The following LIN9 variants were observed in gnomAD, a reference collection of about 807,000 sequenced individuals.
LIN9 encodes protein lin-9 homolog.
Under a neutral mutation model 78.0 loss-of-function variants are expected in LIN9, and 18 were observed. That is an observed-to-expected ratio of 0.23 (90% CI 0.16 to 0.34). The LOEUF (loss-of-function observed/expected upper bound fraction) is 0.34. Among genes scored for constraint, LIN9 ranks in the 10% least tolerant of loss-of-function variants. The pLI is 1.00. For synonymous variants in LIN9, 192 were observed against 215.2 expected (o/e 0.89, Z 0.94); for missense variants, 451 against 644.1 (o/e 0.70, Z 3.25).
chr1:226,274,468 T>A (rs1243626151), intron 7 of LIN9, among the ~76,000 whole-genome samples: 1 of 152,196 alleles, frequency 6.6e-6, no homozygotes, highest in Admixed American at 6.5e-5. Flanking sequence ...TTTGTGTATA[T>A]GTGGGTATCC....
chr1:226,264,004 A>C (rs763957452), intron 10 of LIN9, among the ~76,000 whole-genome samples: 1 of 151,488 alleles, frequency 6.6e-6, no homozygotes, highest in Non-Finnish European at 1.5e-5. Context: ...CTGAGACTGG[A>C]GGTTAAGGCT....
intron 4 of LIN9, among the ~76,000 whole-genome samples, chr1:226,293,768 G>C (rs1661943789): frequency 6.6e-6 from 1 of 152,112 alleles, no homozygotes; most frequent in African/African-American, 2.4e-5. Flanking sequence ...ATGTTGGCCA[G>C]ACTCGTCTCA....
intron 2 of LIN9, among the ~76,000 whole-genome samples, chr1:226,299,117 C>G (rs969033957): frequency 6.6e-6 from 1 of 151,976 alleles, no homozygotes; most frequent in African/African-American, 2.4e-5. Flanking sequence ...GATGAATATA[C>G]AAGCTGGTTA....
intron 12 of LIN9, 45 bp from the exon 13 acceptor site, chr1:226,233,568 A>G (rs1162604968): frequency 1.4e-6 from 2 of 1,477,184 alleles, no homozygotes; most frequent in South Asian, 1.4e-5. Flanking sequence ...TCGAGAAGCC[A>G]TGATTATTTC....
At chr1:226,269,120 A>G (rs763814422) in intron 7 of LIN9, among the ~76,000 whole-genome samples, 6 of 152,260 alleles carry the variant, frequency 3.9e-5, no homozygotes, top group Non-Finnish European at 7.3e-5. Flanking sequence ...TAAACTGGGC[A>G]AAGTAATACA....
At chr1:226,263,862 A>T (rs1166617576) in intron 10 of LIN9, among the ~76,000 whole-genome samples, 1 of 152,162 alleles carries the variant, frequency 6.6e-6, no homozygotes. Context: ...ATTTGAGCCC[A>T]GGAGTTCAAG....
chr1:226,252,157 T>C (rs542608151), intron 10 of LIN9, among the ~76,000 whole-genome samples: 1 of 152,048 alleles, frequency 6.6e-6, no homozygotes, highest in East Asian at 1.9e-4. Context: ...GTGGCTTGCA[T>C]CTGTAGTCCC....
At chr1:226,253,168 C>T (rs575698742) in intron 10 of LIN9, among the ~76,000 whole-genome samples, 11 of 145,496 alleles carry the variant, frequency 7.6e-5, no homozygotes, top group East Asian at 2.1e-4. Flanking sequence ...GAGGCTGAGG[C>T]GGGAGGATTG....
chr1:226,250,930 A>G lies in LIN9; in HGVS notation c.1039-11T>C, dbSNP rs1158390930. The G allele has an allele frequency of 3.0e-6, 4 of 1,341,778 alleles. No individual in the cohort carries two copies. The highest frequency in any genetic ancestry group is 4.2e-6 in the Non-Finnish European group (4 of 951,970). 83.1% of individuals were successfully genotyped at this position (1,341,778 alleles called of 1,614,324 possible). ...TTTTGATAATCTGGTCTACAGACAA[A>G]GAAGAAATATTTTAGAATAAACAGA... On this transcript the variant is annotated splice_polypyrimidine_tract_variant and intron_variant, in intron 10 of 14. Coordinates refer to ENST00000681046, the MANE Select transcript of LIN9 (RefSeq NM_001366245.2).
At chr1:226,268,634 G>A (rs1431319777) in intron 7 of LIN9, among the ~76,000 whole-genome samples, 1 of 152,104 alleles carries the variant, frequency 6.6e-6, no homozygotes, top group Non-Finnish European at 1.5e-5. Flanking sequence ...GGTTAATGCT[G>A]GACACCTGCT....
At chr1:226,290,279 G>A in intron 4 of LIN9, among the ~76,000 whole-genome samples, 1 of 150,702 alleles carries the variant, frequency 6.6e-6, no homozygotes, top group Non-Finnish European at 1.5e-5. Context: ...TATGAAAAGT[G>A]TCTCAACTTT....
chr1:226,236,746 C>T (rs1050157628), intron 12 of LIN9, among the ~76,000 whole-genome samples: 14 of 152,276 alleles, frequency 9.2e-5, no homozygotes, highest in South Asian at 2.1e-4. Flanking sequence ...CGTGAGCCAC[C>T]GCACCCGGCG....
At chr1:226,301,647 A>T (rs1042250370) in intron 1 of LIN9, among the ~76,000 whole-genome samples, 1 of 152,252 alleles carries the variant, frequency 6.6e-6, no homozygotes, top group South Asian at 2.1e-4. Context: ...GCAAGCAATA[A>T]GTCCCTTGAA....
chr1:226,309,345 G>T (rs1663147880), upstream of LIN9: 1 of 991,086 alleles, frequency 1.0e-6, no homozygotes, highest in African/African-American at 1.8e-5. Flanking sequence ...GCCGCGCCTC[G>T]CCCCTCCGCC....
At position 226,265,623 on chromosome 1, in the gene LIN9, A is replaced by G. The variant is rs753322161; in HGVS notation, c.948T>C (p.Pro316=). 6.3e-7 allele frequency: 1 copy of G among 1,576,976 alleles called. No homozygotes were observed. The highest frequency in any genetic ancestry group is 1.3e-5 in the African/African-American group (1 of 74,288). ...TTCTCCACGGCGACTGTCCTAATAA[A>G]GGATCATTATCCTATGGGAATAAAA... The part of the protein sequence containing the change: ...PLQSPIIDND[P]LLGQSPWRSK... Residue 316 remains proline (P), a synonymous_variant, in exon 10 of 15, where the codon CCT becomes CCC. Transcript: ENST00000681046. This position sits in a 1 kb window ranked among gnomAD's most constrained non-coding sequence, Gnocchi z 4.1.
At chr1:226,288,709 T>C (rs1179260645) in intron 4 of LIN9, among the ~76,000 whole-genome samples, 1 of 149,652 alleles carries the variant, frequency 6.7e-6, no homozygotes, top group Non-Finnish European at 1.5e-5. Context: ...TATGTAGGAA[T>C]ATACTTACGA....
chr1:226,233,937 C>T (rs1035072162), intron 12 of LIN9, among the ~76,000 whole-genome samples: 10 of 152,106 alleles, frequency 6.6e-5, no homozygotes, highest in African/African-American at 2.2e-4. Context: ...TTGAAGAGTA[C>T]GAGCCAATTA....
chr1:226,306,556 C>G (rs1320010470), intron 1 of LIN9, among the ~76,000 whole-genome samples: 2 of 152,108 alleles, frequency 1.3e-5, no homozygotes, highest in Non-Finnish European at 2.9e-5. Flanking sequence ...AAGATCTGGG[C>G]TGAAGATAGC....
intron 6 of LIN9, among the ~76,000 whole-genome samples, chr1:226,285,236 C>A (rs1269373158): frequency 6.6e-6 from 1 of 152,092 alleles, no homozygotes; most frequent in Non-Finnish European, 1.5e-5. Context: ...TTTGCTCAAA[C>A]ACGCAAAATG....
Sources: allele counts gnomAD v4.1 joint callset (sites outside exome capture counted in the v4.1 genomes callset), GRCh38; gene constraint gnomAD v4.1.1; non-coding constraint Gnocchi (gnomAD v3.1); transcripts MANE v1.5; gene names NCBI Gene and HGNC (gene_info 2026-07-23, HGNC 2026-07-21).